Variants in MERTK observed in about 807,000 individuals in gnomAD.
The protein encoded by MERTK is tyrosine-protein kinase Mer.
Under a neutral mutation model 99.3 loss-of-function variants are expected in MERTK, and 69 were observed. The observed-to-expected ratio is 0.70, with a 90% confidence interval of 0.57 to 0.85. MERTK has a LOEUF of 0.85. Ranked by LOEUF, MERTK falls within the 40% of genes least tolerant of loss-of-function variation. The probability of loss-of-function intolerance (pLI) is 0.00; values close to 1 mark genes in which losing one functional copy is unlikely to be tolerated. For synonymous variants in MERTK, 426 were observed against 467.6 expected (o/e 0.91, Z 1.15); for missense variants, 1,125 against 1,249.4 (o/e 0.90, Z 1.50).
intron 1 of MERTK, among the ~76,000 whole-genome samples, chr2:111,906,886 C>T (rs1347681491): frequency 1.3e-5 from 2 of 152,240 alleles, no homozygotes; most frequent in Non-Finnish European, 2.9e-5. Context: ...TCTAAAACTC[C>T]ACATCCTCAC....
chr2:111,950,584 G>A (rs1406102520), intron 4 of MERTK, among the ~76,000 whole-genome samples: 1 of 152,186 alleles, frequency 6.6e-6, no homozygotes, highest in Non-Finnish European at 1.5e-5. Context: ...CTTCTTAAGT[G>A]TAGACATTTA....
At chr2:111,987,150 A>T (rs1996327) in intron 8 of MERTK, among the ~76,000 whole-genome samples, 94,055 of 152,084 alleles carry the variant, frequency 0.62, 29,461 homozygotes, top group Middle Eastern at 0.69. Context: ...TTTTTGAAAG[A>T]TATTTCTCAT....
chr2:112,010,047 G>T lies in MERTK; in HGVS notation c.2060G>T (p.Arg687Leu), dbSNP rs775443181. 7.4e-6 allele frequency: 12 copies of T among 1,611,130 alleles called. No homozygotes were observed. Among genetic ancestry groups the T allele is most frequent in the Non-Finnish European group, 1.0e-5 (12 of 1,177,450 alleles). The stretch of plus-strand genomic sequence containing the variant: ...CTGCATACTTACTTACTTTATTCCC[G>T]ATTGGAGACAGGACCAAAGGTAATG... ...GDLHTYLLYS[R>L]LETGPKHIPL... The change falls in exon 15 of 19, where the codon CGA becomes CTA. Residue 687 changes from arginine to leucine, a missense_variant. Transcript: ENST00000295408.
chr2:112,009,818 A>T (rs1017492277), intron 14 of MERTK, 130 bp from the exon 15 acceptor site: 1 of 758,012 alleles, frequency 1.3e-6, no homozygotes, highest in Admixed American at 1.8e-5. Flanking sequence ...AGTGTGAGTT[A>T]GGCGCTCTTG....
chr2:111,998,740 T>G (rs573995298), intron 10 of MERTK, among the ~76,000 whole-genome samples: 13 of 152,232 alleles, frequency 8.5e-5, no homozygotes, highest in African/African-American at 2.9e-4. Context: ...TACCAAAAAG[T>G]GGGGCTGCTG....
chr2:111,932,125 T>C (rs1049243046), intron 2 of MERTK, among the ~76,000 whole-genome samples: 5 of 152,200 alleles, frequency 3.3e-5, no homozygotes, highest in Admixed American at 2.0e-4. Flanking sequence ...AGAAAAATCT[T>C]ATTTGACCTC....
At chr2:111,905,570 C>T (rs986119636) in intron 1 of MERTK, among the ~76,000 whole-genome samples, 3 of 149,990 alleles carry the variant, frequency 2.0e-5, no homozygotes, top group African/African-American at 4.9e-5. Flanking sequence ...TGGGTTCAAG[C>T]GGTTCTCCTG....
chr2:112,009,885 G>A (rs764011227), intron 14 of MERTK, 63 bp from the exon 15 acceptor site: 83 of 1,276,870 alleles, frequency 6.5e-5, no homozygotes, highest in Non-Finnish European at 8.7e-5. Context: ...AGTGGTCCAC[G>A]AGGGCTTTTC....
chr2:111,933,396 A>C (rs539774954), intron 2 of MERTK, among the ~76,000 whole-genome samples: 1 of 152,336 alleles, frequency 6.6e-6, no homozygotes, highest in South Asian at 2.1e-4. Flanking sequence ...ATTTTGCTGG[A>C]GTTGCCATTA....
chr2:111,967,171 A>G (rs563336528), intron 5 of MERTK, among the ~76,000 whole-genome samples: 1 of 152,270 alleles, frequency 6.6e-6, no homozygotes, highest in South Asian at 2.1e-4. Context: ...CTGTTGAGGG[A>G]CACAAGCTCC....
In MERTK at chr2:111,929,266, C is replaced by T; in HGVS notation, c.208C>T (p.Pro70Ser). Residue 70 changes from proline to serine, a missense_variant, in exon 2 of 19, where the codon CCT (proline) becomes TCT (serine). Coordinates refer to ENST00000295408, the MANE Select transcript of MERTK (RefSeq NM_006343.3). ...TGCCTTGATGTTTTCACCAACCCAGCCTGGAAGACCACATACAGGAAACGT... is the reference window on the plus strand; with the variant it reads ...TGCCTTGATGTTTTCACCAACCCAGTCTGGAAGACCACATACAGGAAACGT... ...QPALMFSPTQ[P>S]GRPHTGNVAI... 6.2e-7 allele frequency: 1 copy of T among 1,614,224 alleles called. No individual in the cohort carries two copies. The highest frequency in any genetic ancestry group is 8.5e-7 in the Non-Finnish European group (1 of 1,180,050).
At chr2:111,936,105 A>G (rs1421564320) in intron 2 of MERTK, among the ~76,000 whole-genome samples, 1 of 152,038 alleles carries the variant, frequency 6.6e-6, no homozygotes, top group Non-Finnish European at 1.5e-5. Flanking sequence ...TTTAGTAGAG[A>G]CAGAGTTTCA....
In MERTK at chr2:111,994,586, A is replaced by G. The variant is rs1303015703; in HGVS notation, c.1450+182A>G. 5.5e-5 allele frequency: 44 copies of G among 805,918 alleles called. 1 individual carries two copies. Among genetic ancestry groups the G allele is most frequent in the South Asian group, 5.0e-4 (37 of 74,424 alleles). The allele number at this position is 805,918 out of a possible 1,614,324, so 49.9% of individuals were successfully genotyped here. ...GAGAACAACCTGGGCAATGGGCAAC[A>G]TAGTGAGACCCTGTCTCTACAAAAA... On this transcript the variant is annotated intron_variant, in intron 9 of 18. Transcript: ENST00000295408.
At chr2:111,935,730 G>T (rs1418709431) in intron 2 of MERTK, among the ~76,000 whole-genome samples, 1 of 149,750 alleles carries the variant, frequency 6.7e-6, no homozygotes, top group African/African-American at 2.5e-5. Flanking sequence ...TCAAAAACTT[G>T]GAAAATACCA....
chr2:111,953,615 G>A (rs1055041060), intron 4 of MERTK, among the ~76,000 whole-genome samples: 6 of 151,640 alleles, frequency 4.0e-5, no homozygotes, highest in African/African-American at 7.3e-5. Context: ...TTGCTCTGTC[G>A]CCCAGGCTGG....
rs748786937 is a variant in MERTK at position 111,975,304 on chromosome 2, C to G, written c.976C>G (p.Pro326Ala). The G allele has an allele frequency of 9.9e-6, 16 of 1,614,104 alleles. No individual in the cohort carries two copies. Among genetic ancestry groups the G allele is most frequent in the Non-Finnish European group, 1.4e-5 (16 of 1,180,040 alleles). ...CTTCGTTTAGGTCAAGGAAGCTGAT[C>G]CGCTGAGTAATGGCTCAGTCATGAT... Reference protein sequence around the residue: ...NCSIQVKEADPLSNGSVMIFN... With the variant: ...NCSIQVKEADALSNGSVMIFN... The change falls in exon 7 of 19, where the codon CCG becomes GCG. Residue 326 changes from proline to alanine, a missense_variant. By Grantham distance (27) the Pro-to-Ala change is conservative (BLOSUM62 -1). Transcript: ENST00000295408.
chr2:111,985,018 T>C (rs1402465022), intron 8 of MERTK, among the ~76,000 whole-genome samples: 2 of 152,198 alleles, frequency 1.3e-5, no homozygotes, highest in Non-Finnish European at 2.9e-5. Context: ...CAAGATCCTT[T>C]AGATTTTTGC....
Position 111,898,638 on chromosome 2 carries a change from A to T in MERTK, c.-98A>T. Reference sequence around the variant, plus strand: ...CACTCACTGCCCGGGCCGCCCGGACAGGGAGCTTCGCTGGCGCGCTTGGCC... The same window carrying T: ...CACTCACTGCCCGGGCCGCCCGGACTGGGAGCTTCGCTGGCGCGCTTGGCC... On this transcript the variant is annotated 5_prime_UTR_variant, in exon 1 of 19. Coordinates refer to ENST00000295408, the MANE Select transcript of MERTK (RefSeq NM_006343.3). The T allele has an allele frequency of 7.4e-7, 1 of 1,352,224 alleles. No individual in the cohort carries two copies. Among genetic ancestry groups the T allele is most frequent in the Non-Finnish European group, 1.0e-6 (1 of 982,076 alleles). The allele number at this position is 1,352,224 out of a possible 1,614,324, so 83.8% of individuals were successfully genotyped here.
chr2:111,994,280 TG>T lies in MERTK; in HGVS notation c.1328del (p.Gly443AlafsTer17). ...KELLEEVGQN[G>X]SRARISVQVH... ...AGCTCTTGGAGGAAGTTGGCCAGAATGGCAGCCGAGCTCGGATCTCTGTTCA... is the reference window on the plus strand; with the variant it reads ...AGCTCTTGGAGGAAGTTGGCCAGAATGCAGCCGAGCTCGGATCTCTGTTCA... On this transcript the variant is annotated frameshift_variant, in exon 9 of 19. Transcript: ENST00000295408. LOFTEE classifies it high-confidence loss of function. The T allele has an allele frequency of 6.2e-7, 1 of 1,614,122 alleles. No individual in the cohort carries two copies. Among genetic ancestry groups the T allele is most frequent in the South Asian group, 1.1e-5 (1 of 91,080 alleles).
Sources: gnomAD v4.1 joint callset for allele counts (sites outside exome capture counted in the v4.1 genomes callset) on GRCh38, gnomAD v4.1.1 for gene constraint, MANE v1.5 for transcripts, NCBI Gene and HGNC (gene_info 2026-07-23, HGNC 2026-07-21) for gene names.